Variants in JKAMP observed in about 807,000 individuals in gnomAD.
JKAMP encodes JNK1/MAPK8 associated membrane protein.
A neutral mutation model predicts 40.2 loss-of-function variants in JKAMP; 20 were observed. The observed-to-expected ratio is 0.50, with a 90% confidence interval of 0.35 to 0.72. The LOEUF is 0.72. Ranked by LOEUF, JKAMP falls within the 30% of genes least tolerant of loss-of-function variation. The pLI, the probability that JKAMP is intolerant of heterozygous loss-of-function variation, is 0.01. For missense variants in JKAMP, 276 were observed against 373.0 expected, an observed-to-expected ratio of 0.74 and a Z score of 2.14; for synonymous variants, 138 against 131.6, an observed-to-expected ratio of 1.05 and a Z score of -0.33.
chr14:59,485,015 A>G (rs1890419831), intron 1 of JKAMP: 2 of 1,597,322 alleles, frequency 1.3e-6, no homozygotes, highest in Non-Finnish European at 1.7e-6. Context: ...CACAAAGGGC[A>G]GGACCGCTGC....
chr14:59,497,891 T>A (rs1388523881), intron 4 of JKAMP, among the ~76,000 whole-genome samples: 1 of 152,168 alleles, frequency 6.6e-6, no homozygotes, highest in Non-Finnish European at 1.5e-5. Flanking sequence ...GACACTCCCC[T>A]GTATAGGGAG....
intron 2 of JKAMP, 126 bp from the exon 3 acceptor site, chr14:59,487,548 T>A: frequency 1.5e-6 from 1 of 677,072 alleles, no homozygotes; most frequent in East Asian, 2.5e-5. Context: ...CTTTTTTATT[T>A]CTAAAAGCTG....
intron 1 of JKAMP, chr14:59,485,334 G>T: frequency 2.2e-6 from 1 of 457,014 alleles, no homozygotes. Context: ...GATTACAATT[G>T]GTTACAAAAA....
In JKAMP at chr14:59,503,866, C is replaced by A; in HGVS notation, c.730C>A (p.Leu244Ile). The A allele has an allele frequency of 6.2e-7, 1 of 1,608,810 alleles. No individual in the cohort carries two copies. The highest frequency in any genetic ancestry group is 8.5e-7 in the Non-Finnish European group (1 of 1,175,288). Residue 244 changes from leucine to isoleucine, a missense_variant, in exon 7 of 7, where the codon CTT becomes ATT. Coordinates refer to ENST00000616435, the MANE Select transcript of JKAMP (RefSeq NM_016475.5). ...CAAAATTATATAGAACTGCTATGATCTTCTGGTCAGAAAGAAAAGACTTAT... is the reference window on the plus strand; with the variant it reads ...CAAAATTATATAGAACTGCTATGATATTCTGGTCAGAAAGAAAAGACTTAT... ...SASEIENCYDLLVRKKRLIVL... is the reference protein window; with the variant it reads ...SASEIENCYDILVRKKRLIVL...
chr14:59,497,948 A>G (rs1434380319), intron 4 of JKAMP, among the ~76,000 whole-genome samples: 1 of 152,214 alleles, frequency 6.6e-6, no homozygotes, highest in Non-Finnish European at 1.5e-5. Flanking sequence ...AATACTCAGG[A>G]AAATTAAGGT....
intron 6 of JKAMP, among the ~76,000 whole-genome samples, chr14:59,501,648 C>T (rs1891889292): frequency 1.3e-5 from 2 of 152,268 alleles, no homozygotes; most frequent in African/African-American, 4.8e-5. Context: ...ACAATGGCAA[C>T]ATTAATAGTC....
At chr14:59,501,832 TTAATA>T (rs1891905364) in intron 6 of JKAMP, among the ~76,000 whole-genome samples, 1 of 152,196 alleles carries the variant, frequency 6.6e-6, no homozygotes, top group South Asian at 2.1e-4. Flanking sequence ...CTCTAATATT[TTAATA>T]TTTCAGTGGA....
chr14:59,484,872 GGAACACTT>G (rs1192858753), intron 1 of JKAMP: 2 of 1,227,976 alleles, frequency 1.6e-6, no homozygotes, highest in Non-Finnish European at 2.2e-6. Flanking sequence ...TAATGTCGAG[GGAACACTT>G]GCTTGAGGGT....
chr14:59,487,553 A>G (rs994366492), intron 2 of JKAMP, 121 bp from the exon 3 acceptor site: 1 of 698,472 alleles, frequency 1.4e-6, no homozygotes, highest in Non-Finnish European at 2.4e-6. Context: ...TTATTTCTAA[A>G]AGCTGCACAT....
At position 59,504,999 on chromosome 14, in the gene JKAMP, C is replaced by T. The variant is rs76130439; in HGVS notation, c.*927C>T. 1 of 319,362 alleles carries T rather than the reference C, an allele frequency of 3.1e-6. No homozygotes were observed. The highest frequency in any genetic ancestry group is 5.8e-6 in the Non-Finnish European group (1 of 173,102). 19.8% of individuals were successfully genotyped at this position (319,362 alleles called of 1,614,324 possible). ...TGTTTATGCTTTGAAGGCCTTAAGA[C>T]TCATGGTTGCAACCATGGAAGCAAA... On this transcript the variant is annotated 3_prime_UTR_variant, in exon 7 of 7. Coordinates refer to ENST00000616435, the MANE Select transcript of JKAMP (RefSeq NM_016475.5).
Position 59,497,133 on chromosome 14 carries a change from A to G in JKAMP, c.459-1594A>G, listed in dbSNP as rs180715872. ...TAGCCTAGTTTCTTACAAATTGAAA[A>G]ATACCACAGGACTTTACTGATAATT... On this transcript the variant is annotated intron_variant, in intron 4 of 6. Transcript: ENST00000616435. 2.0e-5 allele frequency among the ~76,000 whole-genome samples: 3 copies of G among 152,278 alleles called. No homozygotes were observed. In the East Asian group the frequency reaches 5.8e-4, roughly 29 times the overall value.
Position 59,492,972 on chromosome 14 carries a change from G to T in JKAMP, c.252-2046G>T, listed in dbSNP as rs956198636. On this transcript the variant is annotated intron_variant, in intron 3 of 6. Coordinates refer to ENST00000616435, the MANE Select transcript of JKAMP (RefSeq NM_016475.5). ...GCCACCACGCCCGGCCAATTTTTTT[G>T]TATCTTTAGTAGAGACGGGGTTTCA... Among the ~76,000 whole-genome samples the T allele has an allele frequency of 2.0e-5, 3 of 151,168 alleles. No homozygotes were observed. The East Asian group carries it at 5.9e-4, about 30-fold the overall frequency.
Position 59,490,706 on chromosome 14 carries a change from T to A in JKAMP, c.251+2878T>A, listed in dbSNP as rs548173885. ...TTTAGAATAATTTATAAAAATACTTTAAAAATAGCAGCTTTCATCCAGTTT... is the reference window on the plus strand; with the variant it reads ...TTTAGAATAATTTATAAAAATACTTAAAAAATAGCAGCTTTCATCCAGTTT... On this transcript the variant is annotated intron_variant, in intron 3 of 6. Transcript: ENST00000616435. 3.9e-5 allele frequency among the ~76,000 whole-genome samples: 6 copies of A among 152,346 alleles called. No homozygotes were observed. In the South Asian group the frequency reaches 1.0e-3, roughly 26 times the overall value.
rs918917569 is a variant in JKAMP at position 59,503,802 on chromosome 14, C to G, written c.718-52C>G. Reference sequence around the variant, plus strand: ...AAGTTATATTAAATTACCCAGCTGACTTAGCCTGATAATCTGTATTTCTCT... The same window carrying G: ...AAGTTATATTAAATTACCCAGCTGAGTTAGCCTGATAATCTGTATTTCTCT... On this transcript the variant is annotated intron_variant, in intron 6 of 6. Transcript: ENST00000616435. 9 of 1,108,930 alleles carry G rather than the reference C, an allele frequency of 8.1e-6. No homozygotes were observed. In the East Asian group the frequency reaches 1.9e-4, roughly 23 times the overall value. The allele number at this position is 1,108,930 out of a possible 1,614,324, so 68.7% of individuals were successfully genotyped here.
chr14:59,488,893 A>G (rs1206442398), intron 3 of JKAMP, among the ~76,000 whole-genome samples: 1 of 152,264 alleles, frequency 6.6e-6, no homozygotes, highest in Non-Finnish European at 1.5e-5. Context: ...AACAACAACA[A>G]CAAAACAAAG....
chr14:59,487,601 T>C, intron 2 of JKAMP, 73 bp from the exon 3 acceptor site: 3 of 1,128,928 alleles, frequency 2.7e-6, no homozygotes, highest in Non-Finnish European at 4.0e-6. Context: ...GGATGTCTTA[T>C]AGAATGATTT....
intron 1 of JKAMP, chr14:59,484,833 G>C: frequency 9.9e-7 from 1 of 1,008,762 alleles, no homozygotes; most frequent in East Asian, 2.6e-5. Context: ...TTGTTGTTTG[G>C]TCCGAAATGT....
intron 3 of JKAMP, among the ~76,000 whole-genome samples, chr14:59,494,121 G>GGGGTGT (rs113457640): frequency 1.4e-3 from 204 of 151,072 alleles, no homozygotes; most frequent in African/African-American, 4.9e-3. Flanking sequence ...AGAAAATTTG[G>GGGGTGT]GTGTGTGTGT....
At chr14:59,492,572 C>T (rs1384986121) in intron 3 of JKAMP, among the ~76,000 whole-genome samples, 1 of 152,152 alleles carries the variant, frequency 6.6e-6, no homozygotes. Context: ...TTATGGTTCT[C>T]CCCAGTCGAG....
Sources: allele counts gnomAD v4.1 joint callset (sites outside exome capture counted in the v4.1 genomes callset), GRCh38; gene constraint gnomAD v4.1.1; transcripts MANE v1.5; gene names NCBI Gene and HGNC (gene_info 2026-07-23, HGNC 2026-07-21).